IL34: variants seen among roughly 807,000 people sequenced by gnomAD.
IL34 encodes the protein interleukin-34.
In IL34, 17 loss-of-function variants were observed where a neutral mutation model predicts 25.3. That is an observed-to-expected ratio of 0.67 (90% CI 0.46 to 1.01). IL34 has a LOEUF of 1.01. Ranked by LOEUF, IL34 falls within the 50% of genes least tolerant of loss-of-function variation. The probability of loss-of-function intolerance (pLI) is 0.00; values close to 1 mark genes in which losing one functional copy is unlikely to be tolerated. For missense variants in IL34, 368 were observed against 312.9 expected (o/e 1.18, Z -1.33); for synonymous variants, 174 against 140.9 (o/e 1.23, Z -1.66).
upstream of IL34, among the ~76,000 whole-genome samples, chr16:70,644,768 A>G (rs1348407805): frequency 8.0e-6 from 1 of 124,596 alleles, no homozygotes; most frequent in African/African-American, 3.1e-5. Flanking sequence ...GAGGAAAAGG[A>G]GGAGGGAGGA....
At chr16:70,628,035 G>A (rs1051793798) in intron 1 of IL34, among the ~76,000 whole-genome samples, 7 of 152,190 alleles carry the variant, frequency 4.6e-5, no homozygotes, top group African/African-American at 1.7e-4. Context: ...AAGTAGATAT[G>A]TGACAATTTA....
chr16:70,632,171 G>T (rs1188714249), intron 1 of IL34, among the ~76,000 whole-genome samples: 10 of 151,958 alleles, frequency 6.6e-5, no homozygotes, highest in African/African-American at 2.4e-4. Context: ...ATTAGTTAAT[G>T]CTTGAAAGTT....
upstream of IL34, among the ~76,000 whole-genome samples, chr16:70,643,467 C>G (rs985904411): frequency 3.3e-5 from 5 of 152,214 alleles, no homozygotes; most frequent in Admixed American, 3.3e-4. Flanking sequence ...ACCTCCCTGG[C>G]TCAAGTGATC....
chr16:70,647,035 C>T, intron 1 of IL34, 60 bp downstream of exon 1: 1 of 1,358,356 alleles, frequency 7.4e-7, no homozygotes, highest in Non-Finnish European at 9.6e-7. Context: ...GATCCAGGAT[C>T]TGCCGTAACC....
rs1483156854 is a variant in IL34, at chr16:70,659,771, G to T, written c.538+18G>T. On this transcript the variant is annotated intron_variant, in intron 5 of 5. Transcript: ENST00000288098. ...CTCCTGCTGTAAGGAGCTCTCAGGG[G>T]ATGGCGCCTGGGGGTGGGAGGCCAG... 1 of 1,583,668 alleles carries T rather than the reference G, an allele frequency of 6.3e-7. No homozygotes were observed. The highest frequency in any genetic ancestry group is 8.6e-7 in the Non-Finnish European group (1 of 1,160,054).
Position 70,654,153 on chromosome 16 carries a change from C to T in IL34, c.29-385C>T, listed in dbSNP as rs555243223. 2.5e-4 allele frequency: 41 copies of T among 165,450 alleles called. 2 individuals carry two copies. In the South Asian group the frequency reaches 6.6e-3, roughly 27 times the overall value. The allele number at this position is 165,450 out of a possible 1,614,324, so 10.2% of individuals were successfully genotyped here. On this transcript the variant is annotated intron_variant, in intron 1 of 5. Transcript: ENST00000288098. ...ATGATTCGATCTCCTGAATGCCGGG[C>T]TGGAAAACCCAGCAACGAGCTTTGA...
intron 1 of IL34, among the ~76,000 whole-genome samples, chr16:70,599,265 G>GTCTTTCTTTCTTTCTTTC (rs200642053): frequency 2.9e-5 from 4 of 139,076 alleles, no homozygotes; most frequent in East Asian, 2.1e-4. Flanking sequence ...GTCAAGAACT[G>GTCTTTCTTTCTTTCTTTC]TTTCTTTCTT....
intron 1 of IL34, among the ~76,000 whole-genome samples, chr16:70,621,648 T>G (rs2051284435): frequency 6.6e-6 from 1 of 152,002 alleles, no homozygotes; most frequent in South Asian, 2.1e-4. Flanking sequence ...CAAACAGGCT[T>G]TGTGTGAGCA....
intron 1 of IL34, among the ~76,000 whole-genome samples, chr16:70,618,751 T>C (rs898455919): frequency 2.0e-5 from 3 of 152,098 alleles, no homozygotes; most frequent in African/African-American, 7.2e-5. Flanking sequence ...AGATCACGTG[T>C]GTTTTTATGA....
chr16:70,614,824 G>A (rs2151830699), intron 1 of IL34, among the ~76,000 whole-genome samples: 1 of 152,322 alleles, frequency 6.6e-6, no homozygotes, highest in South Asian at 2.1e-4. Context: ...AATGACAGAG[G>A]CTCTGTTGGA....
intron 1 of IL34, among the ~76,000 whole-genome samples, chr16:70,648,469 C>T (rs775331324): frequency 2.1e-5 from 3 of 143,130 alleles, no homozygotes; most frequent in Middle Eastern, 3.3e-3. Context: ...GGGAGGATCA[C>T]TTGAGCCCAG....
intron 4 of IL34, chr16:70,657,374 C>T: frequency 4.4e-6 from 2 of 456,950 alleles, no homozygotes; most frequent in Non-Finnish European, 7.8e-6. Context: ...CTAGGCTCTG[C>T]CTCTCTCCCT....
At chr16:70,598,607 C>T (rs140518309) in intron 1 of IL34, among the ~76,000 whole-genome samples, 2 of 152,100 alleles carry the variant, frequency 1.3e-5, no homozygotes, top group Non-Finnish European at 2.9e-5. Context: ...GGCATGGTGG[C>T]GCATACCTAT....
chr16:70,623,091 G>A (rs558076759), intron 1 of IL34, among the ~76,000 whole-genome samples: 1 of 152,146 alleles, frequency 6.6e-6, no homozygotes, highest in South Asian at 2.1e-4. Flanking sequence ...GAAGAATTAT[G>A]CTGAGATAGG....
chr16:70,627,629 T>C (rs896828257), intron 1 of IL34, among the ~76,000 whole-genome samples: 9 of 152,048 alleles, frequency 5.9e-5, no homozygotes, highest in African/African-American at 2.2e-4. Flanking sequence ...CCACCATACC[T>C]GGCTAATCTT....
chr16:70,636,625 AC>A (rs2051654044), intron 1 of IL34, among the ~76,000 whole-genome samples: 1 of 146,390 alleles, frequency 6.8e-6, no homozygotes. Context: ...ACACACACAC[AC>A]ACAAAATTAG....
chr16:70,594,606 C>T (rs1335254538), intron 1 of IL34, among the ~76,000 whole-genome samples: 1 of 152,154 alleles, frequency 6.6e-6, no homozygotes, highest in East Asian at 1.9e-4. Flanking sequence ...AATATCTAAT[C>T]CTCACAAGAA....
intron 1 of IL34, among the ~76,000 whole-genome samples, chr16:70,621,670 T>C (rs1360802905): frequency 1.3e-5 from 2 of 152,078 alleles, no homozygotes; most frequent in Non-Finnish European, 2.9e-5. Context: ...CATGGCTGTT[T>C]ATTTCACCTG....
At chr16:70,602,297 A>G (rs2050929908) in intron 1 of IL34, among the ~76,000 whole-genome samples, 1 of 152,204 alleles carries the variant, frequency 6.6e-6, no homozygotes, top group African/African-American at 2.4e-5. Flanking sequence ...TAGATTTCAT[A>G]CTTGCTCCCC....
Sources: gnomAD v4.1 joint callset for allele counts (sites outside exome capture counted in the v4.1 genomes callset) on GRCh38, gnomAD v4.1.1 for gene constraint, MANE v1.5 for transcripts, NCBI Gene and HGNC (gene_info 2026-07-23, HGNC 2026-07-21) for gene names.